Variants in C1QB observed in about 807,000 individuals in gnomAD.
C1QB encodes the protein complement C1q B chain.
In C1QB, 2 loss-of-function variants were observed where a neutral mutation model predicts 4.6. The ratio of observed to expected loss-of-function variants is 0.43; its 90% confidence interval spans 0.18 to 1.36. The LOEUF is 1.36. Ranked by LOEUF, C1QB falls within the 40% of genes most tolerant of loss-of-function variation. The pLI, the probability that C1QB is intolerant of heterozygous loss-of-function variation, is 0.28. For synonymous variants in C1QB, 132 were observed against 137.1 expected (o/e 0.96, Z 0.26); for missense variants, 292 against 338.0 (o/e 0.86, Z 1.07).
At chr1:22,660,095 T>C (rs183584006) in intron 2 of C1QB, among the ~76,000 whole-genome samples, 173 of 152,296 alleles carry the variant, frequency 1.1e-3, no homozygotes, top group African/African-American at 4.0e-3. Flanking sequence ...TAAAATTTGG[T>C]TTATTCATTC....
chr1:22,653,997 C>T (rs1642491015), intron 1 of C1QB: 1 of 152,350 alleles, frequency 6.6e-6, no homozygotes, highest in Admixed American at 6.5e-5. Flanking sequence ...CTCCTGTCAT[C>T]CTTCTGGCAG....
chr1:22,661,416 TC>T lies in C1QB; in HGVS notation c.*35del, dbSNP rs776100359. Reference sequence around the variant, plus strand: ...TGGGCTGCTTCACATCCACCCCGGCTCCCCCTGCCAGCAACGCTCACTCTAC... The same window carrying T: ...TGGGCTGCTTCACATCCACCCCGGCTCCCCTGCCAGCAACGCTCACTCTAC... On this transcript the variant is annotated 3_prime_UTR_variant, in exon 3 of 3. Coordinates refer to ENST00000509305, the MANE Select transcript of C1QB (RefSeq NM_001378156.1). The T allele has an allele frequency of 1.1e-5, 18 of 1,611,024 alleles. No homozygotes were observed. The Admixed American group carries it at 2.2e-4, about 19-fold the overall frequency.
At chr1:22,657,831 A>G (rs1642550151) in intron 1 of C1QB, among the ~76,000 whole-genome samples, 1 of 152,226 alleles carries the variant, frequency 6.6e-6, no homozygotes, top group African/African-American at 2.4e-5. Flanking sequence ...AATGGCATGG[A>G]ACACTGGCCA....
At chr1:22,654,601 A>G (rs555346635) in intron 1 of C1QB, among the ~76,000 whole-genome samples, 2 of 152,306 alleles carry the variant, frequency 1.3e-5, no homozygotes, top group South Asian at 4.2e-4. Flanking sequence ...GCTGTAACTC[A>G]TGTCCTCGCA....
At chr1:22,655,443 C>T (rs1459329694) in intron 1 of C1QB, among the ~76,000 whole-genome samples, 5 of 152,042 alleles carry the variant, frequency 3.3e-5, no homozygotes, top group Non-Finnish European at 7.3e-5. Context: ...GTTTGCAGAG[C>T]ATAGGAGCCA....
intron 1 of C1QB, chr1:22,654,062 G>C (rs1170594315): frequency 2.0e-5 from 3 of 152,284 alleles, no homozygotes; most frequent in Admixed American, 1.3e-4. Context: ...TAAGGCACTT[G>C]CCTGAGGTTA....
intron 1 of C1QB, among the ~76,000 whole-genome samples, chr1:22,654,341 G>A (rs1642496658): frequency 6.6e-6 from 1 of 151,956 alleles, no homozygotes; most frequent in Non-Finnish European, 1.5e-5. Context: ...TCCCCAGGAA[G>A]CCCAAGTCCT....
intron 2 of C1QB, among the ~76,000 whole-genome samples, chr1:22,660,250 T>C (rs1426334754): frequency 6.6e-6 from 1 of 152,170 alleles, no homozygotes; most frequent in Non-Finnish European, 1.5e-5. Flanking sequence ...TCAGTCAAGG[T>C]GACACCACTA....
intron 1 of C1QB, among the ~76,000 whole-genome samples, chr1:22,657,070 T>C (rs191622991): frequency 6.6e-6 from 1 of 152,094 alleles, no homozygotes; most frequent in African/African-American, 2.4e-5. Context: ...TTCTTTGGGA[T>C]TTTTATGGAG....
Position 22,660,803 on chromosome 1 carries a change from C to T in C1QB, c.182-9C>T, listed in dbSNP as rs1642607705. 1.2e-6 allele frequency: 2 copies of T among 1,613,744 alleles called. No individual in the cohort carries two copies. The highest frequency in any genetic ancestry group is 1.1e-5 in the South Asian group (1 of 91,074). On this transcript the variant is annotated splice_polypyrimidine_tract_variant and intron_variant, in intron 2 of 2. Coordinates refer to ENST00000509305, the MANE Select transcript of C1QB (RefSeq NM_001378156.1). The stretch of plus-strand genomic sequence containing the variant: ...AGTGATCTCACTTCTTTGGTCTCTG[C>T]TTTTCCAGGGCTTCCAGGGCTGGCT...
At chr1:22,660,052 C>A (rs1302215629) in intron 2 of C1QB, among the ~76,000 whole-genome samples, 1 of 152,134 alleles carries the variant, frequency 6.6e-6, no homozygotes, top group Non-Finnish European at 1.5e-5. Context: ...TCATGGGGTT[C>A]AAATGAGACT....
Position 22,661,206 on chromosome 1 carries a change from G to A in C1QB, c.576G>A (p.Val192=). 2 of 1,613,932 alleles carry A rather than the reference G, an allele frequency of 1.2e-6. No individual in the cohort carries two copies. Among genetic ancestry groups the A allele is most frequent in the African/African-American group, 2.7e-5 (2 of 75,008 alleles). Residue 192 remains valine, a synonymous_variant, in exon 3 of 3, where the codon GTG becomes GTA. Coordinates refer to ENST00000509305, the MANE Select transcript of C1QB (RefSeq NM_001378156.1). ...LMRGRERAQK[V]VTFCDYAYNT... is the part of the protein sequence containing the mutation. ...GTGGCCGGGAGCGTGCACAGAAGGT[G>A]GTCACCTTCTGTGACTATGCCTACA...
Position 22,661,354 on chromosome 1 carries a change from G to A in C1QB, c.724G>A (p.Gly242Arg), listed in dbSNP as rs34813378. Residue 242 changes from glycine to arginine, a missense_variant, in exon 3 of 3, where the codon GGG becomes AGG. By Grantham distance (125) the Gly-to-Arg change is moderately radical. Coordinates refer to ENST00000509305, the MANE Select transcript of C1QB (RefSeq NM_001378156.1). ...GMEGANSIFS[G>R]FLLFPDMEA ...GGAGGGTGCCAACAGCATCTTTTCC[G>A]GGTTCCTGCTCTTTCCAGATATGGA... is the stretch of plus-strand genomic sequence containing the variant. 76 of 1,613,762 alleles carry A rather than the reference G, an allele frequency of 4.7e-5. No homozygotes were observed. Among genetic ancestry groups the A allele is most frequent in the Non-Finnish European group, 6.2e-5 (73 of 1,180,010 alleles).
At chr1:22,659,078 G>A (rs562485041) in intron 1 of C1QB, among the ~76,000 whole-genome samples, 18 of 146,240 alleles carry the variant, frequency 1.2e-4, no homozygotes, top group Admixed American at 4.7e-4. Flanking sequence ...TGGATGGATG[G>A]ACAGGGGGAT....
chr1:22,658,957 G>A (rs1205293198), intron 1 of C1QB, among the ~76,000 whole-genome samples: 1 of 138,602 alleles, frequency 7.2e-6, no homozygotes, highest in Non-Finnish European at 1.5e-5. Flanking sequence ...ATGGAGAGGA[G>A]GATGGATGGA....
Position 22,661,460 on chromosome 1 carries a change from G to A in C1QB, c.*74G>A, listed in dbSNP as rs1394386147. The A allele has an allele frequency of 1.9e-5, 29 of 1,553,810 alleles. No homozygotes were observed. In the East Asian group the frequency reaches 6.5e-4, roughly 35 times the overall value. ...CACTCTACCCCCAACACCACCCCTT[G>A]CCCAACCAATGCACACAGTAGGGCT... On this transcript the variant is annotated 3_prime_UTR_variant, in exon 3 of 3. Transcript: ENST00000509305.
chr1:22,657,870 C>A (rs1239218310), intron 1 of C1QB, among the ~76,000 whole-genome samples: 1 of 152,176 alleles, frequency 6.6e-6, no homozygotes, highest in African/African-American at 2.4e-5. Context: ...AGCCCACCGG[C>A]TTCTTCCTAG....
rs751172449 is a variant in C1QB at position 22,661,153 on chromosome 1, C to T, written c.523C>T (p.Arg175Ter). Residue 175 changes from arginine to a stop codon, truncating the protein, a stop_gained, in exon 3 of 3, where the codon CGA (arginine) becomes TGA (stop). Transcript: ENST00000509305. LOFTEE classifies it low-confidence loss of function (END_TRUNC). ...LYYFTYHASS[R>*]GNLCVNLMRG... ...CTACTTCACCTACCACGCCAGCTCT[C>T]GAGGGAACCTGTGCGTGAACCTCAT... The T allele has an allele frequency of 7.4e-6, 12 of 1,614,042 alleles. No individual in the cohort carries two copies. The highest frequency in any genetic ancestry group is 5.0e-5 in the Admixed American group (3 of 60,012).
At chr1:22,654,792 C>T (rs1444620165) in intron 1 of C1QB, among the ~76,000 whole-genome samples, 2 of 152,198 alleles carry the variant, frequency 1.3e-5, no homozygotes, top group Non-Finnish European at 1.5e-5. Context: ...ATGTGTGCTG[C>T]CTAACAAGAG....
Sources: allele counts gnomAD v4.1 joint callset (sites outside exome capture counted in the v4.1 genomes callset), GRCh38; gene constraint gnomAD v4.1.1; transcripts MANE v1.5; gene names NCBI Gene and HGNC (gene_info 2026-07-23, HGNC 2026-07-21).